The following MINDY4B variants were observed in gnomAD, a reference collection of about 807,000 sequenced individuals.
MINDY4B encodes MINDY family member 4B, also known as inactive ubiquitin carboxyl-terminal hydrolase MINDY-4B.
Under a neutral mutation model 16.7 loss-of-function variants are expected in MINDY4B, and 25 were observed. The ratio of observed to expected loss-of-function variants is 1.49; its 90% CI spans 1.09 to 2.09. The LOEUF (loss-of-function observed/expected upper bound fraction) is 2.09, where lower values mean the gene tolerates loss of function less well. Among genes scored for constraint, MINDY4B ranks in the 30% most tolerant of loss-of-function variants. The pLI is 0.00. For missense variants in MINDY4B, 327 were observed against 168.4 expected (o/e 1.94, Z -5.21); for synonymous variants, 132 against 61.9 (o/e 2.13, Z -5.32).
intron 2 of MINDY4B, among the ~76,000 whole-genome samples, chr3:150,903,760 G>A (rs954346236): frequency 2.6e-5 from 4 of 152,126 alleles, no homozygotes; most frequent in South Asian, 2.1e-4. Flanking sequence ...AACTTTGAAC[G>A]AATCTTTCCA....
chr3:150,891,400 G>C (rs540935712), intron 5 of MINDY4B, among the ~76,000 whole-genome samples: 1 of 152,146 alleles, frequency 6.6e-6, no homozygotes, highest in Non-Finnish European at 1.5e-5. Flanking sequence ...AGAAACACGC[G>C]ATAAAGATTT....
At chr3:150,878,039 C>A (rs941761213) in intron 10 of MINDY4B, among the ~76,000 whole-genome samples, 3 of 152,020 alleles carry the variant, frequency 2.0e-5, no homozygotes, top group African/African-American at 7.2e-5. Flanking sequence ...AGTCCCCATA[C>A]CTTTCTTATC....
chr3:150,895,065 A>G (rs371286500), intron 3 of MINDY4B, among the ~76,000 whole-genome samples: 2 of 152,154 alleles, frequency 1.3e-5, no homozygotes, highest in South Asian at 2.1e-4. Context: ...GGCATCTAGC[A>G]TTTACTGAGC....
In MINDY4B at chr3:150,903,237, A is replaced by G. The variant is rs1712157880; in HGVS notation, c.309+12T>C. 2.5e-6 allele frequency: 1 copy of G among 398,390 alleles called. No homozygotes were observed. The highest frequency in any genetic ancestry group is 2.1e-5 in the African/African-American group (1 of 48,636). The allele number at this position is 398,390 out of a possible 1,614,324, so 24.7% of individuals were successfully genotyped here. On this transcript the variant is annotated intron_variant, in intron 3 of 11. Coordinates refer to ENST00000465419, the MANE Select transcript of MINDY4B (RefSeq NM_001351281.2). ...CGTTTCATTTCATGTTTAATTGACA[A>G]GCTATACTTACCGTGGCCATTGCTA...
intron 10 of MINDY4B, among the ~76,000 whole-genome samples, chr3:150,881,094 A>G (rs2107898529): frequency 6.6e-6 from 1 of 152,348 alleles, no homozygotes; most frequent in East Asian, 1.9e-4. Flanking sequence ...GCCTCTAAAT[A>G]TAATGAGAGG....
At chr3:150,888,361 CTT>C (rs1711684954) in intron 7 of MINDY4B, among the ~76,000 whole-genome samples, 2 of 152,146 alleles carry the variant, frequency 1.3e-5, no homozygotes, top group Non-Finnish European at 2.9e-5. Context: ...ATCTAAAAGA[CTT>C]TATTTTCAAT....
chr3:150,904,232 C>A (rs1559970316), intron 2 of MINDY4B, among the ~76,000 whole-genome samples: 1 of 152,002 alleles, frequency 6.6e-6, no homozygotes, highest in African/African-American at 2.4e-5. Context: ...CATAACTTGA[C>A]TTTTTTTTCT....
At chr3:150,875,396 T>C (rs564575168) in intron 10 of MINDY4B, among the ~76,000 whole-genome samples, 13 of 152,304 alleles carry the variant, frequency 8.5e-5, no homozygotes, top group Non-Finnish European at 1.6e-4. Flanking sequence ...GGTAATTCCA[T>C]TGGAACTTCA....
chr3:150,877,802 A>T (rs1711498990), intron 10 of MINDY4B, among the ~76,000 whole-genome samples: 1 of 152,208 alleles, frequency 6.6e-6, no homozygotes, highest in Non-Finnish European at 1.5e-5. Flanking sequence ...TATAACAGAT[A>T]TTATAGACCA....
intron 3 of MINDY4B, among the ~76,000 whole-genome samples, chr3:150,902,517 C>T (rs1445857392): frequency 6.6e-6 from 1 of 152,216 alleles, no homozygotes; most frequent in Admixed American, 6.5e-5. Flanking sequence ...CTCTGCTTCC[C>T]AAGTTTCCAA....
Position 150,870,947 on chromosome 3 carries a change from G to A in MINDY4B, c.*98C>T. The A allele has an allele frequency of 1.6e-6, 1 of 611,330 alleles. No homozygotes were observed. Among genetic ancestry groups the A allele is most frequent in the Non-Finnish European group, 2.9e-6 (1 of 344,496 alleles). 37.9% of individuals were successfully genotyped at this position (611,330 alleles called of 1,614,324 possible). ...ATATATATTTTTTGGTGGGGCTTGTGAATGAGAAATATGGAAACGATTGGT... is the reference window on the plus strand; with the variant it reads ...ATATATATTTTTTGGTGGGGCTTGTAAATGAGAAATATGGAAACGATTGGT... On this transcript the variant is annotated 3_prime_UTR_variant, in exon 12 of 12. Coordinates refer to ENST00000465419, the MANE Select transcript of MINDY4B (RefSeq NM_001351281.2).
At chr3:150,872,082 C>G (rs760765961) in intron 11 of MINDY4B, among the ~76,000 whole-genome samples, 1 of 152,106 alleles carries the variant, frequency 6.6e-6, no homozygotes, top group Non-Finnish European at 1.5e-5. Context: ...AACAGAAATC[C>G]TAGTACTTAC....
intron 3 of MINDY4B, among the ~76,000 whole-genome samples, chr3:150,900,553 C>A (rs1327883156): frequency 1.9e-4 from 29 of 152,070 alleles, no homozygotes; most frequent in Admixed American, 1.9e-3. Context: ...TCCTGAATTC[C>A]CAGGATGTGT....
rs930532485 is a variant in MINDY4B at position 150,873,205 on chromosome 3, G to A, written c.1222C>T (p.Leu408Phe). 2 of 703,026 alleles carry A rather than the reference G, an allele frequency of 2.8e-6. No homozygotes were observed. Among genetic ancestry groups the A allele is most frequent in the South Asian group, 1.5e-5 (1 of 67,566 alleles). The allele number at this position is 703,026 out of a possible 1,614,324, so 43.5% of individuals were successfully genotyped here. The change falls in exon 11 of 12, where the codon CTT becomes TTT. Residue 408 changes from leucine (L) to phenylalanine (F), a missense_variant. Leu to Phe is a conservative substitution (Grantham distance 22). Transcript: ENST00000465419. ...FYSGQPSQKK[L>F]VRLTIDTHSH... The stretch of plus-strand genomic sequence containing the variant: ...TGCTCACCTATTGTAAGACGCACAA[G>A]CTTTTTCTGTGAGGGTTGGCCACTG...
intron 7 of MINDY4B, among the ~76,000 whole-genome samples, chr3:150,889,804 T>C (rs1462996373): frequency 2.0e-5 from 3 of 152,236 alleles, no homozygotes; most frequent in Non-Finnish European, 4.4e-5. Context: ...TTTTCTACCA[T>C]CACTGCACCC....
chr3:150,886,277 T>C (rs187848137), intron 7 of MINDY4B, among the ~76,000 whole-genome samples: 407 of 152,352 alleles, frequency 2.7e-3, no homozygotes, highest in African/African-American at 9.3e-3. Flanking sequence ...TTAAAACATC[T>C]TCAAAGTCTT....
chr3:150,903,425 A>G lies in MINDY4B; in HGVS notation c.142-9T>C, dbSNP rs1712162181. The G allele has an allele frequency of 5.0e-6, 2 of 398,460 alleles. No homozygotes were observed. The highest frequency in any genetic ancestry group is 2.5e-4 in the South Asian group (2 of 7,856). The allele number at this position is 398,460 out of a possible 1,614,324, so 24.7% of individuals were successfully genotyped here. A position where few individuals can be genotyped will look rare whatever the true frequency, so the allele number is the denominator to read the frequency against. ...TGGTTGCCTTCATGATTCTGTGCAA[A>G]TATCACCCCCACAAAAGACAAAGCA... On this transcript the variant is annotated splice_polypyrimidine_tract_variant and intron_variant, in intron 2 of 11. Coordinates refer to ENST00000465419, the MANE Select transcript of MINDY4B (RefSeq NM_001351281.2).
chr3:150,886,404 G>C (rs991759170), intron 7 of MINDY4B, among the ~76,000 whole-genome samples: 4 of 152,232 alleles, frequency 2.6e-5, no homozygotes, highest in African/African-American at 9.6e-5. Flanking sequence ...ATAAATTCCA[G>C]TGCCATAGGA....
chr3:150,902,904 T>TA lies in MINDY4B; in HGVS notation c.309+344dup, dbSNP rs370201053. Among the ~76,000 whole-genome samples, 1,502 of 152,340 alleles carry TA rather than the reference T, an allele frequency of 9.9e-3. 27 individuals carry two copies. The highest frequency in any genetic ancestry group is 0.035 in the African/African-American group (1,458 of 41,570). On this transcript the variant is annotated intron_variant, in intron 3 of 11. Transcript: ENST00000465419. Reference sequence around the variant, plus strand: ...ACTTTCTTACACATCTACATTGTCTTACGCATTTGCAGCGCTCCACAGTCT... The same window carrying TA: ...ACTTTCTTACACATCTACATTGTCTTAACGCATTTGCAGCGCTCCACAGTCT...
Sources: gnomAD v4.1 joint callset for allele counts (sites outside exome capture counted in the v4.1 genomes callset) on GRCh38, gnomAD v4.1.1 for gene constraint, MANE v1.5 for transcripts, NCBI Gene and HGNC (gene_info 2026-07-23, HGNC 2026-07-21) for gene names.